PDE4B: variants seen among roughly 807,000 people sequenced by gnomAD.
The protein encoded by PDE4B is 3',5'-cyclic-AMP phosphodiesterase 4B.
In PDE4B, 20 loss-of-function variants were observed where a neutral mutation model predicts 82.2. The observed-to-expected ratio is 0.24, with a 90% CI of 0.17 to 0.35. The LOEUF is 0.35. Ranked by LOEUF, PDE4B falls within the 10% of genes least tolerant of loss-of-function variation. The pLI is 1.00. For synonymous variants in PDE4B, 320 were observed against 318.9 expected, an observed-to-expected ratio of 1.00 and a Z score of -0.04; for missense variants, 655 against 907.2, an observed-to-expected ratio of 0.72 and a Z score of 3.57.
chr1:65,959,949 T>G (rs1009367104), intron 3 of PDE4B, among the ~76,000 whole-genome samples: 2 of 152,146 alleles, frequency 1.3e-5, no homozygotes, highest in Non-Finnish European at 2.9e-5. Context: ...GCTCAAGCAA[T>G]TCTCTTCCTC....
intron 1 of PDE4B, among the ~76,000 whole-genome samples, chr1:65,864,312 C>T (rs2100268434): frequency 6.6e-6 from 1 of 152,074 alleles, no homozygotes; most frequent in African/African-American, 2.4e-5. Context: ...GAACATGCTC[C>T]TTTAGCTCAG....
chr1:66,272,776 A>ATTATTT (rs1245235207), intron 7 of PDE4B, among the ~76,000 whole-genome samples: 1 of 101,984 alleles, frequency 9.8e-6, no homozygotes, highest in African/African-American at 3.3e-5. Flanking sequence ...TGGTACTAGA[A>ATTATTT]TTCTTTTTTT....
At chr1:66,141,407 A>T (rs1020500560) in intron 3 of PDE4B, among the ~76,000 whole-genome samples, 1 of 146,678 alleles carries the variant, frequency 6.8e-6, no homozygotes, top group Non-Finnish European at 1.5e-5. Context: ...AGAATTGAGC[A>T]AAGTTTCCCG....
At chr1:66,081,826 CTCTCTCTGTGTG>C (rs1174916529) in intron 3 of PDE4B, among the ~76,000 whole-genome samples, 4 of 95,724 alleles carry the variant, frequency 4.2e-5, no homozygotes, top group African/African-American at 7.7e-5. Flanking sequence ...CTCTCTCTCT[CTCTCTCTGTGTG>C]TGTGTGTGTG....
At chr1:65,878,006 C>T (rs531789309) in intron 1 of PDE4B, among the ~76,000 whole-genome samples, 2 of 151,340 alleles carry the variant, frequency 1.3e-5, no homozygotes, top group Non-Finnish European at 2.9e-5. Flanking sequence ...GTCCAATATC[C>T]AGAATCTACA....
chr1:66,134,240 C>T (rs1172267583), intron 3 of PDE4B, among the ~76,000 whole-genome samples: 1 of 152,176 alleles, frequency 6.6e-6, no homozygotes, highest in Non-Finnish European at 1.5e-5. Context: ...AGTTACAAAG[C>T]TGGCACCATG....
At chr1:66,140,235 C>T (rs1646145323) in intron 3 of PDE4B, among the ~76,000 whole-genome samples, 1 of 152,180 alleles carries the variant, frequency 6.6e-6, no homozygotes, top group Admixed American at 6.5e-5. Flanking sequence ...CTGCCACTCA[C>T]TTCCTGTGTA....
intron 3 of PDE4B, among the ~76,000 whole-genome samples, chr1:66,072,732 C>G (rs530889550): frequency 1.6e-4 from 25 of 152,140 alleles, no homozygotes; most frequent in Non-Finnish European, 3.2e-4. Context: ...AATACCTGCT[C>G]TGTTCTAGGT....
At chr1:66,002,000 G>A (rs1478005396) in intron 3 of PDE4B, among the ~76,000 whole-genome samples, 2 of 152,120 alleles carry the variant, frequency 1.3e-5, no homozygotes, top group Non-Finnish European at 1.5e-5. Context: ...TGTGATTACA[G>A]GCATGAGCCA....
intron 1 of PDE4B, among the ~76,000 whole-genome samples, chr1:65,886,166 G>T (rs1290116000): frequency 1.3e-5 from 2 of 151,212 alleles, no homozygotes; most frequent in African/African-American, 2.4e-5. Context: ...AAAATAAATT[G>T]CTGAATCTAT....
intron 3 of PDE4B, among the ~76,000 whole-genome samples, chr1:66,054,756 A>G (rs1330878689): frequency 6.6e-6 from 1 of 152,196 alleles, no homozygotes; most frequent in Non-Finnish European, 1.5e-5. Flanking sequence ...TGGGTCTGAA[A>G]TATATGATGT....
At chr1:66,297,306 T>G (rs187117788) in intron 7 of PDE4B, among the ~76,000 whole-genome samples, 18 of 152,354 alleles carry the variant, frequency 1.2e-4, no homozygotes, top group Non-Finnish European at 1.8e-4. Flanking sequence ...TTTCAGGTTT[T>G]CACTTGGGTC....
intron 6 of PDE4B, among the ~76,000 whole-genome samples, chr1:66,260,665 C>T (rs772058488): frequency 1.3e-5 from 2 of 152,090 alleles, no homozygotes; most frequent in Non-Finnish European, 2.9e-5. Context: ...GGTTTTTTAC[C>T]TCTGTTAGTA....
At chr1:65,850,335 G>A (rs974738115) in intron 1 of PDE4B, among the ~76,000 whole-genome samples, 15 of 152,056 alleles carry the variant, frequency 9.9e-5, no homozygotes, top group Non-Finnish European at 1.9e-4. Flanking sequence ...GACCTCAGGT[G>A]ATCCACCCAC....
At chr1:66,244,264 T>A (rs1383223933) in intron 3 of PDE4B, among the ~76,000 whole-genome samples, 1 of 151,976 alleles carries the variant, frequency 6.6e-6, no homozygotes, top group Non-Finnish European at 1.5e-5. Flanking sequence ...GAGAAAAAAA[T>A]AAACTGCTAG....
chr1:66,213,997 C>A (rs187517710), intron 3 of PDE4B, among the ~76,000 whole-genome samples: 2 of 152,206 alleles, frequency 1.3e-5, no homozygotes, highest in Admixed American at 1.3e-4. Context: ...AACTTTTCTG[C>A]CAGCCATACA....
chr1:65,968,157 A>G (rs916855562), intron 3 of PDE4B, among the ~76,000 whole-genome samples: 1 of 152,130 alleles, frequency 6.6e-6, no homozygotes, highest in Non-Finnish European at 1.5e-5. Context: ...ACCAGCTGCG[A>G]TTGAGTTCTA....
intron 3 of PDE4B, among the ~76,000 whole-genome samples, chr1:66,098,825 A>G (rs1365114638): frequency 2.6e-5 from 4 of 152,130 alleles, no homozygotes; most frequent in Admixed American, 2.6e-4. Flanking sequence ...TTGCTCAGCT[A>G]TATTTCATTA....
chr1:65,926,615 A>G (rs1469833066), intron 3 of PDE4B, among the ~76,000 whole-genome samples: 1 of 152,196 alleles, frequency 6.6e-6, no homozygotes, highest in Admixed American at 6.5e-5. Flanking sequence ...TCTCCCTTTC[A>G]GAAAGGAACA....
Sources: allele counts gnomAD v4.1 joint callset (sites outside exome capture counted in the v4.1 genomes callset), GRCh38; gene constraint gnomAD v4.1.1; transcripts MANE v1.5; gene names NCBI Gene and HGNC (gene_info 2026-07-23, HGNC 2026-07-21).